DOCK1: variants seen among roughly 807,000 people sequenced by gnomAD.
The protein encoded by DOCK1 is dedicator of cytokinesis protein 1.
Under a neutral mutation model 262.7 loss-of-function variants are expected in DOCK1, and 138 were observed. The ratio of observed to expected loss-of-function variants is 0.53; its 90% CI spans 0.46 to 0.61. The LOEUF (loss-of-function observed/expected upper bound fraction) is 0.61. DOCK1 is among the 20% of genes least tolerant of loss of function. The pLI is 0.00. For synonymous variants in DOCK1, 866 were observed against 867.4 expected (o/e 1.00, Z 0.03); for missense variants, 1,908 against 2,370.7 (o/e 0.80, Z 4.05).
Position 127,386,435 on chromosome 10 carries a change from C to T in DOCK1, c.3927+1526C>T, listed in dbSNP as rs534773734. Among the ~76,000 whole-genome samples the T allele has an allele frequency of 6.6e-5, 10 of 152,106 alleles. No individual in the cohort carries two copies. The East Asian group carries it at 9.7e-4, about 15-fold the overall frequency. On this transcript the variant is annotated intron_variant, in intron 38 of 51. Coordinates refer to ENST00000623213, the MANE Select transcript of DOCK1 (RefSeq NM_001290223.2). ...GCAAAGCTTCATCTGTGTTTACAGCCGTTCCCCATCGCCCGCATTACCACC... is the reference window on the plus strand; with the variant it reads ...GCAAAGCTTCATCTGTGTTTACAGCTGTTCCCCATCGCCCGCATTACCACC...
chr10:127,194,863 G>C (rs2056993786), intron 27 of DOCK1, among the ~76,000 whole-genome samples: 1 of 151,928 alleles, frequency 6.6e-6, no homozygotes, highest in Non-Finnish European at 1.5e-5. Flanking sequence ...GGATGCTTCC[G>C]CAGAATTTCA....
At chr10:127,264,039 CA>C (rs2060269363) in intron 29 of DOCK1, among the ~76,000 whole-genome samples, 1 of 152,194 alleles carries the variant, frequency 6.6e-6, no homozygotes, top group Non-Finnish European at 1.5e-5. Flanking sequence ...GGCATTTCTA[CA>C]ACATGTGGTG....
At position 127,037,718 on chromosome 10, in the gene DOCK1, G is replaced by A; in HGVS notation, c.1913-1G>A. The A allele has an allele frequency of 6.3e-7, 1 of 1,582,936 alleles. No individual in the cohort carries two copies. The highest frequency in any genetic ancestry group is 8.6e-7 in the Non-Finnish European group (1 of 1,164,380). ...ATCTGATTGTCATTTTCTGTTTCCA[G>A]TGGACCTTCTGGGGCTCTTGAAATG... On this transcript the variant is annotated splice_acceptor_variant, in intron 18 of 51. Transcript: ENST00000623213. LOFTEE classifies it high-confidence loss of function.
intron 22 of DOCK1, among the ~76,000 whole-genome samples, chr10:127,058,464 G>C (rs958567860): frequency 6.6e-6 from 1 of 151,866 alleles, no homozygotes; most frequent in African/African-American, 2.4e-5. Flanking sequence ...CATCCAGTCT[G>C]ACAAGCTTCT....
chr10:127,273,839 G>A (rs542395620), intron 29 of DOCK1, among the ~76,000 whole-genome samples: 3 of 150,354 alleles, frequency 2.0e-5, no homozygotes, highest in Non-Finnish European at 4.4e-5. Context: ...CGGAGATTGC[G>A]CCGCTGCACT....
At position 127,377,505 on chromosome 10, in the gene DOCK1, T is replaced by G. The variant is rs144536290; in HGVS notation, c.3676-2577T>G. On this transcript the variant is annotated intron_variant, in intron 35 of 51. Coordinates refer to ENST00000623213, the MANE Select transcript of DOCK1 (RefSeq NM_001290223.2). ...ATGCTCTGTAAGTCTGTTGCCAAGT[T>G]TCCTTTAGAACCAGCTTCGTGGTTT... Among the ~76,000 whole-genome samples the G allele has an allele frequency of 3.0e-4, 46 of 152,320 alleles. No individual in the cohort carries two copies. The East Asian group carries it at 8.5e-3, about 28-fold the overall frequency.
Position 127,176,256 on chromosome 10 carries a change from A to G in DOCK1, c.2847+48492A>G. 6.2e-7 allele frequency: 1 copy of G among 1,613,730 alleles called. No individual in the cohort carries two copies. Among genetic ancestry groups the G allele is most frequent in the Non-Finnish European group, 8.5e-7 (1 of 1,179,948 alleles). On this transcript the variant is annotated intron_variant, in intron 27 of 51. Coordinates refer to ENST00000623213, the MANE Select transcript of DOCK1 (RefSeq NM_001290223.2). The surrounding 1 kb of genome is among the most constrained non-coding windows in gnomAD (Gnocchi z 4.4). ...TGCCTCGCAGATATCCTTAAACCGCACCTGCAGGGCTTTGTTCCGTTTTTT... is the reference window on the plus strand; with the variant it reads ...TGCCTCGCAGATATCCTTAAACCGCGCCTGCAGGGCTTTGTTCCGTTTTTT...
Position 127,451,496 on chromosome 10 carries a change from C to T in DOCK1, c.*69C>T. The T allele has an allele frequency of 2.6e-6, 4 of 1,545,454 alleles. No individual in the cohort carries two copies. The highest frequency in any genetic ancestry group is 3.5e-6 in the Non-Finnish European group (4 of 1,145,756). ...TCCATGCCCTCTCCTTCTGTGTCCC[C>T]TGAGTCTGCTGTTTACCTCATTGGG... On this transcript the variant is annotated 3_prime_UTR_variant, in exon 52 of 52. Transcript: ENST00000623213.
At chr10:126,938,790 C>A (rs1408392792) in intron 1 of DOCK1, among the ~76,000 whole-genome samples, 187 of 42,888 alleles carry the variant, frequency 4.4e-3, no homozygotes, top group Non-Finnish European at 4.9e-3. Flanking sequence ...TGAACACCAG[C>A]GGGGATGAGC....
intron 7 of DOCK1, 65 bp downstream of exon 7, chr10:126,996,948 G>A: frequency 6.8e-7 from 1 of 1,476,010 alleles, no homozygotes; most frequent in African/African-American, 1.4e-5. Context: ...CATTAGTAAA[G>A]TATCAGTCAA....
chr10:127,300,674 T>G (rs534593152), intron 29 of DOCK1, among the ~76,000 whole-genome samples: 2 of 152,356 alleles, frequency 1.3e-5, no homozygotes, highest in East Asian at 3.9e-4. Flanking sequence ...TCGAATACTT[T>G]CAGGGAGCTA....
At chr10:127,148,030 CAAAAAAAAAAAAA>C (rs57503481) in intron 27 of DOCK1, among the ~76,000 whole-genome samples, 3 of 63,318 alleles carry the variant, frequency 4.7e-5, no homozygotes, top group Non-Finnish European at 9.9e-5. Flanking sequence ...GACTCTGTCT[CAAAAAAAAAAAAA>C]AAAAAAAAAA....
At chr10:127,087,032 G>A (rs993093161) in intron 23 of DOCK1, among the ~76,000 whole-genome samples, 2 of 152,128 alleles carry the variant, frequency 1.3e-5, no homozygotes, top group South Asian at 4.2e-4. Context: ...TCTATAGAGC[G>A]GGATTGGTAG....
intron 27 of DOCK1, among the ~76,000 whole-genome samples, chr10:127,196,574 C>G (rs2134181400): frequency 7.2e-6 from 1 of 138,394 alleles, no homozygotes; most frequent in South Asian, 2.3e-4. Flanking sequence ...CGGCTGGCAC[C>G]GAGGCGGGCG....
intron 27 of DOCK1, among the ~76,000 whole-genome samples, chr10:127,239,926 A>G (rs1468506695): frequency 1.3e-5 from 2 of 152,180 alleles, no homozygotes; most frequent in Non-Finnish European, 2.9e-5. Flanking sequence ...ATTATAATTT[A>G]TTTTTATACT....
intron 1 of DOCK1, among the ~76,000 whole-genome samples, chr10:126,913,816 C>T (rs972464376): frequency 2.6e-5 from 4 of 152,186 alleles, no homozygotes; most frequent in Non-Finnish European, 5.9e-5. Flanking sequence ...GCTGTCAAAA[C>T]AGCTCAGGTT....
intron 1 of DOCK1, among the ~76,000 whole-genome samples, chr10:126,906,055 C>T (rs2030731703): frequency 6.6e-6 from 1 of 152,032 alleles, no homozygotes; most frequent in Non-Finnish European, 1.5e-5. Flanking sequence ...ATAATTCCGC[C>T]CTTTCCCGGC....
intron 23 of DOCK1, among the ~76,000 whole-genome samples, chr10:127,092,578 G>A (rs2047601371): frequency 6.6e-6 from 1 of 151,990 alleles, no homozygotes; most frequent in Non-Finnish European, 1.5e-5. Flanking sequence ...TTGAGACTGA[G>A]GATCGAGCAG....
intron 27 of DOCK1, among the ~76,000 whole-genome samples, chr10:127,247,347 C>T (rs147445298): frequency 6.6e-6 from 1 of 152,124 alleles, no homozygotes; most frequent in Non-Finnish European, 1.5e-5. Flanking sequence ...TCCTCCTGTC[C>T]TTCTTCTCGG....
Sources: gnomAD v4.1 joint callset for allele counts (sites outside exome capture counted in the v4.1 genomes callset) on GRCh38, gnomAD v4.1.1 for gene constraint, Gnocchi (gnomAD v3.1) non-coding constraint, MANE v1.5 for transcripts, NCBI Gene and HGNC (gene_info 2026-07-23, HGNC 2026-07-21) for gene names.